Variants in MAF observed in about 807,000 individuals in gnomAD.
MAF encodes MAF bZIP transcription factor.
Under a neutral mutation model 22.0 loss-of-function variants are expected in MAF, and 10 were observed. That is an observed-to-expected ratio of 0.45 (90% CI 0.28 to 0.77). MAF has a LOEUF of 0.77. Ranked by LOEUF, MAF falls within the 30% of genes least tolerant of loss-of-function variation. The pLI, the probability that MAF is intolerant of heterozygous loss-of-function variation, is 0.12. For synonymous variants in MAF, 337 were observed against 255.8 expected, an observed-to-expected ratio of 1.32 and a Z score of -3.03; for missense variants, 544 against 548.4, an observed-to-expected ratio of 0.99 and a Z score of 0.08.
chr16:79,481,410 A>G, the MAF span, among the ~76,000 whole-genome samples: 1 of 152,094 alleles, frequency 6.6e-6, no homozygotes, highest in Non-Finnish European at 1.5e-5. Context: ...TACCCCATGA[A>G]TAGTGATTTC....
the MAF span, among the ~76,000 whole-genome samples, chr16:79,419,768 C>T: frequency 6.6e-6 from 1 of 152,128 alleles, no homozygotes; most frequent in Non-Finnish European, 1.5e-5. Flanking sequence ...CTTTGTATAC[C>T]TAATCAAGAG....
chr16:79,285,509 G>C, the MAF span, among the ~76,000 whole-genome samples: 1 of 152,178 alleles, frequency 6.6e-6, no homozygotes, highest in Admixed American at 6.5e-5. Flanking sequence ...GGTGTGGGGA[G>C]CAGGGAAGGC....
the MAF span, among the ~76,000 whole-genome samples, chr16:79,564,579 G>T: frequency 6.6e-6 from 1 of 152,162 alleles, no homozygotes. Flanking sequence ...CACCCACAGC[G>T]CCTTCTTTTG....
chr16:79,518,485 TGGA>T, the MAF span, among the ~76,000 whole-genome samples: 60 of 152,236 alleles, frequency 3.9e-4, no homozygotes, highest in Non-Finnish European at 6.9e-4. Context: ...ACAGGCTACG[TGGA>T]GGAGGAGTAG....
the MAF span, among the ~76,000 whole-genome samples, chr16:79,522,685 G>A: frequency 6.6e-6 from 1 of 152,208 alleles, no homozygotes; most frequent in Non-Finnish European, 1.5e-5. Context: ...TGCTCTGGGA[G>A]TACAGAGAAG....
At position 79,599,512 on chromosome 16, in the gene MAF, A is replaced by G; in HGVS notation, c.391T>C (p.Tyr131His). ...GCCAGCTGCTGCGCCCCGCGCGCGT[A>G]GCCATCGAAGCCGCCCTGGAGCTGG... Reference protein sequence around the residue: ...SHQLQGGFDGYARGAQQLAAA... With the variant: ...SHQLQGGFDGHARGAQQLAAA... Residue 131 changes from tyrosine (Y) to histidine (H), a missense_variant, in exon 1 of 2, where the codon TAC (tyrosine) becomes CAC (histidine). Physicochemically the swap from Tyr to His is moderately conservative, Grantham distance 83. This residue lies in a region of MAF where 342 missense variants were observed against 315.5 expected (regional missense o/e 1.08). Transcript: ENST00000326043. The G allele has an allele frequency of 6.6e-7, 1 of 1,521,446 alleles. No homozygotes were observed. Among genetic ancestry groups the G allele is most frequent in the Non-Finnish European group, 8.8e-7 (1 of 1,135,936 alleles). The allele number at this position is 1,521,446 out of a possible 1,614,324, so 94.2% of individuals were successfully genotyped here.
the MAF span, among the ~76,000 whole-genome samples, chr16:79,233,430 G>A: frequency 6.6e-6 from 1 of 151,966 alleles, no homozygotes; most frequent in African/African-American, 2.4e-5. Flanking sequence ...AGCCCTAGAG[G>A]TTCCATTGTG....
At chr16:79,214,668 G>C in the MAF span, among the ~76,000 whole-genome samples, 2 of 142,012 alleles carry the variant, frequency 1.4e-5, no homozygotes, top group African/African-American at 5.2e-5. Flanking sequence ...GCCTCCCAAA[G>C]TGCTGGGATT....
chr16:79,556,463 G>A, the MAF span, among the ~76,000 whole-genome samples: 1 of 152,136 alleles, frequency 6.6e-6, no homozygotes, highest in Non-Finnish European at 1.5e-5. Flanking sequence ...CCTGGCCATT[G>A]TTGCCTGAAC....
the MAF span, chr16:79,212,279 G>GACTGAGCCAGCTTA: frequency 6.7e-6 from 8 of 1,188,484 alleles, no homozygotes; most frequent in Non-Finnish European, 8.0e-6. Context: ...TCCTGACCAA[G>GACTGAGCCAGCTTA]ACTGAGCCAG....
At chr16:79,415,204 C>T in the MAF span, among the ~76,000 whole-genome samples, 1 of 147,734 alleles carries the variant, frequency 6.8e-6, no homozygotes, top group Admixed American at 6.7e-5. Context: ...AGTTCATTAG[C>T]ACTTAGCAAA....
At chr16:79,449,550 T>C in the MAF span, among the ~76,000 whole-genome samples, 83,155 of 151,982 alleles carry the variant, frequency 0.55, 25,904 homozygotes, top group East Asian at 0.72. Flanking sequence ...TCTGCATGCA[T>C]GCAGCAAACA....
the MAF span, among the ~76,000 whole-genome samples, chr16:79,495,056 C>A: frequency 6.6e-6 from 1 of 152,088 alleles, no homozygotes; most frequent in Non-Finnish European, 1.5e-5. Context: ...CCCCAGACAC[C>A]CTGGTGTGTT....
At chr16:79,222,022 T>G in the MAF span, among the ~76,000 whole-genome samples, 1 of 152,094 alleles carries the variant, frequency 6.6e-6, no homozygotes, top group Non-Finnish European at 1.5e-5. Flanking sequence ...CGGAGATCAA[T>G]TTAAATGTCT....
At chr16:79,479,628 A>T in the MAF span, among the ~76,000 whole-genome samples, 1 of 152,224 alleles carries the variant, frequency 6.6e-6, no homozygotes. Context: ...CTGAAGGGTA[A>T]TCAGGCCAGT....
chr16:79,472,338 T>C, the MAF span, among the ~76,000 whole-genome samples: 116 of 152,196 alleles, frequency 7.6e-4, no homozygotes, highest in Non-Finnish European at 1.5e-3. Flanking sequence ...ATAAAGACAT[T>C]ATTCATAATA....
At chr16:79,544,549 T>G in the MAF span, among the ~76,000 whole-genome samples, 3 of 151,922 alleles carry the variant, frequency 2.0e-5, no homozygotes, top group Non-Finnish European at 4.4e-5. Context: ...CCGAGTTGGG[T>G]GGATCACAAG....
downstream of MAF, among the ~76,000 whole-genome samples, chr16:79,583,950 A>T (rs974096734): frequency 6.6e-6 from 1 of 152,206 alleles, no homozygotes; most frequent in African/African-American, 2.4e-5. Flanking sequence ...ATGTTGGTTG[A>T]TGTGCGTATG....
the MAF span, among the ~76,000 whole-genome samples, chr16:79,455,988 A>G: frequency 6.6e-6 from 1 of 152,216 alleles, no homozygotes; most frequent in African/African-American, 2.4e-5. Context: ...ACTGCACTCC[A>G]GCCTGGGTGA....
Sources: gnomAD v4.1 joint callset for allele counts (sites outside exome capture counted in the v4.1 genomes callset) on GRCh38, gnomAD v4.1.1 for gene constraint, gnomAD v4.1.1 regional missense constraint, MANE v1.5 for transcripts, NCBI Gene and HGNC (gene_info 2026-07-23, HGNC 2026-07-21) for gene names.